Variants in BTBD1 observed in about 807,000 individuals in gnomAD.
The protein encoded by BTBD1 is BTB/POZ domain-containing protein 1.
In BTBD1, 34 loss-of-function variants were observed where a neutral mutation model predicts 48.0. The ratio of observed to expected loss-of-function variants is 0.71; its 90% CI spans 0.54 to 0.94. The LOEUF (loss-of-function observed/expected upper bound fraction) is 0.94. Ranked by LOEUF, BTBD1 falls within the 40% of genes least tolerant of loss-of-function variation. The probability of loss-of-function intolerance (pLI) is 0.00; values close to 1 mark genes in which losing one functional copy is unlikely to be tolerated. For missense variants in BTBD1, 543 were observed against 625.6 expected (o/e 0.87, Z 1.41); for synonymous variants, 261 against 242.1 (o/e 1.08, Z -0.72).
Position 83,041,711 on chromosome 15 carries a change from T to G in BTBD1, c.862+17A>C. On this transcript the variant is annotated intron_variant, in intron 4 of 7. Coordinates refer to ENST00000261721, the MANE Select transcript of BTBD1 (RefSeq NM_025238.4). ...TAAAACAGTTTCAAATAGATTTTGG[T>G]GAATTTATACCCTTACCTGCTGCAA... The G allele has an allele frequency of 6.2e-7, 1 of 1,610,960 alleles. No individual in the cohort carries two copies. Among genetic ancestry groups the G allele is most frequent in the Non-Finnish European group, 8.5e-7 (1 of 1,177,256 alleles).
chr15:83,023,427 T>A (rs1393568011), intron 5 of BTBD1, among the ~76,000 whole-genome samples: 1 of 152,212 alleles, frequency 6.6e-6, no homozygotes, highest in Non-Finnish European at 1.5e-5. Flanking sequence ...TCACCCGAAC[T>A]GGAGAGCAGT....
intron 3 of BTBD1, chr15:83,044,740 C>T: frequency 6.8e-7 from 1 of 1,461,378 alleles, no homozygotes; most frequent in Non-Finnish European, 9.5e-7. Context: ...AACAATGTCG[C>T]CTGTACTCGG....
rs1020313594 is a variant in BTBD1, at chr15:83,018,692, G to C, written c.1290+15C>G. 1 of 1,612,966 alleles carries C rather than the reference G, an allele frequency of 6.2e-7. No individual in the cohort carries two copies. Among genetic ancestry groups the C allele is most frequent in the African/African-American group, 1.3e-5 (1 of 74,858 alleles). On this transcript the variant is annotated intron_variant, in intron 7 of 7. Transcript: ENST00000261721. Reference sequence around the variant, plus strand: ...TCAAGAGGAAACCATCTGGAACATAGTGCATGACTCTTACTTTGAGTGTTG... The same window carrying C: ...TCAAGAGGAAACCATCTGGAACATACTGCATGACTCTTACTTTGAGTGTTG...
chr15:83,044,484 A>C, intron 3 of BTBD1: 1 of 1,577,536 alleles, frequency 6.3e-7, no homozygotes, highest in Non-Finnish European at 8.7e-7. Context: ...CGCAATGGCC[A>C]AGCCAGATTG....
Position 83,030,206 on chromosome 15 carries a change from C to A in BTBD1, c.985G>T (p.Glu329Ter). The A allele has an allele frequency of 6.2e-7, 1 of 1,614,112 alleles. No homozygotes were observed. The highest frequency in any genetic ancestry group is 8.5e-7 in the Non-Finnish European group (1 of 1,180,036). ...DRPRCCLRGK[E>*]CCINRFQQVE... ...TGCTGGAATCTATTGATGCAGCATT[C>A]CTTTCCCCTGAGACAGCATCTTGGT... The change falls in exon 5 of 8, where the codon GAA becomes TAA. Residue 329 changes from glutamate (E) to a stop codon, truncating the protein, a stop_gained. Coordinates refer to ENST00000261721, the MANE Select transcript of BTBD1 (RefSeq NM_025238.4). LOFTEE classifies it high-confidence loss of function.
chr15:83,063,450 A>G (rs1285299378), intron 1 of BTBD1, among the ~76,000 whole-genome samples: 1 of 152,108 alleles, frequency 6.6e-6, no homozygotes, highest in East Asian at 1.9e-4. Context: ...ATGTCTCATC[A>G]TGTCCTTTGC....
chr15:83,026,580 T>TG (rs1359970074), intron 5 of BTBD1, among the ~76,000 whole-genome samples: 2 of 139,056 alleles, frequency 1.4e-5, no homozygotes, highest in Non-Finnish European at 3.0e-5. Context: ...TGGAGTGCAA[T>TG]GGTGCAATAT....
Position 83,066,009 on chromosome 15 carries a change from T to C in BTBD1, c.401+742A>G, listed in dbSNP as rs571074918. Among the ~76,000 whole-genome samples the C allele has an allele frequency of 2.0e-5, 3 of 152,118 alleles. No homozygotes were observed. The South Asian group carries it at 6.2e-4, about 32-fold the overall frequency. ...AAAAACAAAAACAAAAACAAAAAAGTGGCCAGGCGCGGTGGTTCACGCCTG... is the reference window on the plus strand; with the variant it reads ...AAAAACAAAAACAAAAACAAAAAAGCGGCCAGGCGCGGTGGTTCACGCCTG... On this transcript the variant is annotated intron_variant, in intron 1 of 7. Transcript: ENST00000261721.
At chr15:83,060,184 C>T (rs2033154221) in intron 1 of BTBD1, among the ~76,000 whole-genome samples, 1 of 151,804 alleles carries the variant, frequency 6.6e-6, no homozygotes, top group Non-Finnish European at 1.5e-5. Context: ...ATTTTCATTT[C>T]TAATAAAAAA....
At chr15:83,046,686 A>G (rs2032885825) in intron 3 of BTBD1, among the ~76,000 whole-genome samples, 1 of 152,232 alleles carries the variant, frequency 6.6e-6, no homozygotes, top group Non-Finnish European at 1.5e-5. Flanking sequence ...TCTTAGGATT[A>G]AGCAATGTTT....
At chr15:83,032,576 A>G (rs1178701676) in intron 4 of BTBD1, among the ~76,000 whole-genome samples, 1 of 152,212 alleles carries the variant, frequency 6.6e-6, no homozygotes, top group Non-Finnish European at 1.5e-5. Context: ...AGGCTTTTGC[A>G]GCAACTTGGA....
intron 2 of BTBD1, among the ~76,000 whole-genome samples, chr15:83,051,101 A>G (rs1310766673): frequency 1.3e-5 from 2 of 151,852 alleles, no homozygotes; most frequent in African/African-American, 4.8e-5. Flanking sequence ...TAAAAAGCTG[A>G]AACACTGAAA....
chr15:83,046,908 G>A (rs143321906), intron 3 of BTBD1, among the ~76,000 whole-genome samples: 15 of 152,284 alleles, frequency 9.9e-5, no homozygotes, highest in South Asian at 2.1e-4. Flanking sequence ...CGAGGGTGGG[G>A]TATCAGCTCC....
Position 83,067,169 on chromosome 15 carries a change from G to A in BTBD1, c.-18C>T. 7.1e-7 allele frequency: 1 copy of A among 1,412,582 alleles called. No individual in the cohort carries two copies. Among genetic ancestry groups the A allele is most frequent in the Non-Finnish European group, 9.2e-7 (1 of 1,088,482 alleles). The allele number at this position is 1,412,582 out of a possible 1,614,324, so 87.5% of individuals were successfully genotyped here. Reference sequence around the variant, plus strand: ...GAGGCCATCCTCCAGCTGCGCGGTTGCCCACGTTATGGACAAAACTCCGCC... The same window carrying A: ...GAGGCCATCCTCCAGCTGCGCGGTTACCCACGTTATGGACAAAACTCCGCC... On this transcript the variant is annotated 5_prime_UTR_variant, in exon 1 of 8. Transcript: ENST00000261721.
intron 1 of BTBD1, among the ~76,000 whole-genome samples, chr15:83,057,913 C>T (rs2033114940): frequency 6.6e-6 from 1 of 152,234 alleles, no homozygotes; most frequent in African/African-American, 2.4e-5. Flanking sequence ...CTGACTGGCA[C>T]CTGGCATTAG....
chr15:83,019,776 T>C (rs1293177930), intron 6 of BTBD1, among the ~76,000 whole-genome samples: 2 of 151,236 alleles, frequency 1.3e-5, no homozygotes, highest in Non-Finnish European at 3.0e-5. Context: ...TTTGTATTTT[T>C]AGTAGAGACA....
chr15:83,062,877 G>A (rs1473041515), intron 1 of BTBD1, among the ~76,000 whole-genome samples: 1 of 152,122 alleles, frequency 6.6e-6, no homozygotes, highest in Non-Finnish European at 1.5e-5. Context: ...AAACTCCTGA[G>A]AGGACTGTTT....
chr15:83,050,430 TTGTG>T (rs71927319), intron 2 of BTBD1, among the ~76,000 whole-genome samples: 29,270 of 146,090 alleles, frequency 0.2, 2,974 homozygotes, highest in Non-Finnish European at 0.22. Context: ...TTTTATGTGC[TTGTG>T]TGTGTGTGTG....
intron 3 of BTBD1, chr15:83,044,541 A>C: frequency 6.3e-7 from 1 of 1,594,934 alleles, no homozygotes; most frequent in Non-Finnish European, 8.6e-7. Flanking sequence ...AACCGAGAGC[A>C]CTTTGAAAAC....
Sources: allele counts gnomAD v4.1 joint callset (sites outside exome capture counted in the v4.1 genomes callset), GRCh38; gene constraint gnomAD v4.1.1; transcripts MANE v1.5; gene names NCBI Gene and HGNC (gene_info 2026-07-23, HGNC 2026-07-21).